ERBB4: variants seen among roughly 807,000 people sequenced by gnomAD.
The protein encoded by ERBB4 is receptor tyrosine-protein kinase erbB-4.
A neutral mutation model predicts 158.0 loss-of-function variants in ERBB4; 42 were observed. That is an observed-to-expected ratio of 0.27 (90% CI 0.21 to 0.34). The LOEUF is 0.34. ERBB4 is among the 10% of genes least tolerant of loss of function. The pLI is 1.00. For synonymous variants in ERBB4, 583 were observed against 558.7 expected, an observed-to-expected ratio of 1.04 and a Z score of -0.61; for missense variants, 1,333 against 1,624.1, an observed-to-expected ratio of 0.82 and a Z score of 3.08.
At chr2:211,484,770 C>A (rs1454363990) in intron 20 of ERBB4, among the ~76,000 whole-genome samples, 4 of 152,144 alleles carry the variant, frequency 2.6e-5, no homozygotes, top group Non-Finnish European at 5.9e-5. Context: ...GAGATTTCAA[C>A]ATCTATCTGT....
intron 2 of ERBB4, among the ~76,000 whole-genome samples, chr2:211,999,732 A>T (rs958840580): frequency 1.3e-5 from 2 of 151,740 alleles, no homozygotes; most frequent in Non-Finnish European, 3.0e-5. Context: ...ACCTCTGTCT[A>T]TAATTTTTGT....
At chr2:211,539,261 T>C (rs2066734714) in intron 20 of ERBB4, among the ~76,000 whole-genome samples, 1 of 151,914 alleles carries the variant, frequency 6.6e-6, no homozygotes, top group African/African-American at 2.4e-5. Context: ...TCAAAGCTAT[T>C]TGGTAGTATT....
At chr2:212,482,177 T>C (rs1019866540) in intron 1 of ERBB4, among the ~76,000 whole-genome samples, 2 of 152,218 alleles carry the variant, frequency 1.3e-5, no homozygotes, top group African/African-American at 4.8e-5. Flanking sequence ...GTGCTTCACT[T>C]GCAAATGATC....
In ERBB4 at chr2:211,376,017, A is replaced by C; in HGVS notation, c.*7598T>G. 4.3e-6 allele frequency: 1 copy of C among 233,016 alleles called. No individual in the cohort carries two copies. The highest frequency in any genetic ancestry group is 6.1e-5 in the East Asian group (1 of 16,494). The allele number at this position is 233,016 out of a possible 1,614,324, so 14.4% of individuals were successfully genotyped here. On this transcript the variant is annotated 3_prime_UTR_variant, in exon 28 of 28. Coordinates refer to ENST00000342788, the MANE Select transcript of ERBB4 (RefSeq NM_005235.3). ...GAGGGAAAGGAAGGAGGATGGGTAA[A>C]AGGTTGGAGGAGAAGAAAGAATAAG...
chr2:211,925,370 A>G (rs911114939), intron 3 of ERBB4, among the ~76,000 whole-genome samples: 5 of 148,426 alleles, frequency 3.4e-5, no homozygotes, highest in South Asian at 2.1e-4. Context: ...AACAAAAACA[A>G]GACTGCTTTT....
intron 1 of ERBB4, among the ~76,000 whole-genome samples, chr2:212,416,595 C>T (rs2091659731): frequency 6.6e-6 from 1 of 151,886 alleles, no homozygotes; most frequent in Non-Finnish European, 1.5e-5. Flanking sequence ...CAAATAAAGC[C>T]CTTAAGACCA....
At chr2:212,446,577 CCA>C (rs1491536604) in intron 1 of ERBB4, among the ~76,000 whole-genome samples, 578 of 36,018 alleles carry the variant, frequency 0.016, 54 homozygotes, top group Non-Finnish European at 0.028. Flanking sequence ...TAATAAACTC[CCA>C]TATATATATA....
At chr2:211,403,362 CCTT>C (rs1367549116) in intron 25 of ERBB4, among the ~76,000 whole-genome samples, 1 of 152,086 alleles carries the variant, frequency 6.6e-6, no homozygotes, top group East Asian at 1.9e-4. Flanking sequence ...TCATTCAAGC[CCTT>C]CTTCTTTTGA....
intron 1 of ERBB4, among the ~76,000 whole-genome samples, chr2:212,246,189 C>T (rs553632300): frequency 6.6e-6 from 1 of 152,274 alleles, no homozygotes; most frequent in South Asian, 2.1e-4. Flanking sequence ...TCCAATGCAA[C>T]AGTCAAATAA....
chr2:211,932,521 A>G (rs1479149134), intron 3 of ERBB4, among the ~76,000 whole-genome samples: 1 of 151,992 alleles, frequency 6.6e-6, no homozygotes, highest in Non-Finnish European at 1.5e-5. Flanking sequence ...GTTGATTTAA[A>G]TAGTCATTTG....
intron 19 of ERBB4, among the ~76,000 whole-genome samples, chr2:211,574,961 C>G (rs886224046): frequency 7.9e-5 from 12 of 152,184 alleles, no homozygotes; most frequent in Admixed American, 3.3e-4. Context: ...TGATTTACAC[C>G]TGAACTCACT....
At chr2:211,454,841 A>G (rs1162002706) in intron 20 of ERBB4, among the ~76,000 whole-genome samples, 1 of 151,894 alleles carries the variant, frequency 6.6e-6, no homozygotes, top group African/African-American at 2.4e-5. Flanking sequence ...ACTGTGGCCA[A>G]CTCTCATTTG....
chr2:212,353,385 G>C (rs1006747586), intron 1 of ERBB4, among the ~76,000 whole-genome samples: 3 of 148,976 alleles, frequency 2.0e-5, no homozygotes, highest in African/African-American at 7.4e-5. Context: ...TATATGTGCT[G>C]TATATAATAC....
At chr2:211,775,397 C>T (rs1417879985) in intron 4 of ERBB4, among the ~76,000 whole-genome samples, 2 of 152,126 alleles carry the variant, frequency 1.3e-5, no homozygotes, top group East Asian at 1.9e-4. Flanking sequence ...TCCATCTTTC[C>T]CTTACTGTAC....
intron 1 of ERBB4, among the ~76,000 whole-genome samples, chr2:212,141,580 T>C (rs1464917399): frequency 1.3e-5 from 2 of 152,002 alleles, no homozygotes; most frequent in African/African-American, 2.4e-5. Flanking sequence ...TTCCCTCCAA[T>C]TTCCTTCAGC....
Position 212,536,346 on chromosome 2 carries a change from G to GA in ERBB4, c.82+2102_82+2103insT, listed in dbSNP as rs998961342. On this transcript the variant is annotated intron_variant, in intron 1 of 27. Coordinates refer to ENST00000342788, the MANE Select transcript of ERBB4 (RefSeq NM_005235.3). ...AGGATGAAAAACGAAGTCCCCCGGG[G>GA]CATTTACAGTTTCCAATGGATCACC... Among the ~76,000 whole-genome samples, 13 of 152,238 alleles carry GA rather than the reference G, an allele frequency of 8.5e-5. No homozygotes were observed. In the East Asian group the frequency reaches 2.3e-3, roughly 27 times the overall value.
chr2:212,189,985 GA>G (rs2082137223), intron 1 of ERBB4, among the ~76,000 whole-genome samples: 3 of 152,186 alleles, frequency 2.0e-5, no homozygotes, highest in Admixed American at 2.0e-4. Context: ...TAAGGTTAAT[GA>G]AAACACACCT....
chr2:211,485,132 C>A (rs778079715), intron 20 of ERBB4, among the ~76,000 whole-genome samples: 9 of 152,126 alleles, frequency 5.9e-5, no homozygotes, highest in Admixed American at 4.6e-4. Flanking sequence ...TAATGTGATG[C>A]TCTGTGGTAC....
At chr2:212,079,448 T>C (rs1419729892) in intron 2 of ERBB4, among the ~76,000 whole-genome samples, 1 of 152,116 alleles carries the variant, frequency 6.6e-6, no homozygotes, top group East Asian at 1.9e-4. Flanking sequence ...TATTCATGCT[T>C]TCAACAATTG....
Sources: allele counts gnomAD v4.1 joint callset (sites outside exome capture counted in the v4.1 genomes callset), GRCh38; gene constraint gnomAD v4.1.1; transcripts MANE v1.5; gene names NCBI Gene and HGNC (gene_info 2026-07-23, HGNC 2026-07-21).